The following ERCC6 variants were observed in gnomAD, a reference collection of about 807,000 sequenced individuals.
The protein encoded by ERCC6 is DNA excision repair protein ERCC-6.
A neutral mutation model predicts 158.7 loss-of-function variants in ERCC6; 116 were observed. That is an observed-to-expected ratio of 0.73 (90% confidence interval 0.63 to 0.85). The LOEUF (loss-of-function observed/expected upper bound fraction) is 0.85. Ranked by LOEUF, ERCC6 falls within the 40% of genes least tolerant of loss-of-function variation. ERCC6 has a pLI of 0.00. For synonymous variants in ERCC6, 678 were observed against 659.3 expected (o/e 1.03, Z -0.43); for missense variants, 1,698 against 1,799.4 (o/e 0.94, Z 1.02).
At position 49,524,677 on chromosome 10, in the gene ERCC6, C is replaced by G; in HGVS notation, c.753G>C (p.Gln251His). 3 of 1,613,268 alleles carry G rather than the reference C, an allele frequency of 1.9e-6. No homozygotes were observed. The highest frequency in any genetic ancestry group is 2.2e-5 in the East Asian group (1 of 44,872). ...RTGQMTPFGT[Q>H]IPQKQEKKPR... Reference sequence around the variant, plus strand: ...GCTTTTTCTCCTGTTTCTGAGGGATCTGGGTACCAAAAGGTGTCATCTGGC... The same window carrying G: ...GCTTTTTCTCCTGTTTCTGAGGGATGTGGGTACCAAAAGGTGTCATCTGGC... Residue 251 changes from glutamine (Q) to histidine (H), a missense_variant, in exon 5 of 21, where the codon CAG becomes CAC. By Grantham distance (24) the Gln-to-His change is conservative (BLOSUM62 0). Transcript: ENST00000355832.
chr10:49,450,323 A>G (rs10857496), downstream of ERCC6, among the ~76,000 whole-genome samples: 15,714 of 133,480 alleles, frequency 0.12, 1,180 homozygotes, highest in East Asian at 0.42. Flanking sequence ...AGATGTTTGC[A>G]TTTATTTCTG....
chr10:49,524,685 C>A lies in ERCC6; in HGVS notation c.745G>T (p.Gly249Cys), dbSNP rs747451736. The A allele has an allele frequency of 3.7e-6, 6 of 1,612,476 alleles. No homozygotes were observed. The highest frequency in any genetic ancestry group is 8.5e-7 in the Non-Finnish European group (1 of 1,180,012). ...TCCTGTTTCTGAGGGATCTGGGTAC[C>A]AAAAGGTGTCATCTGGCCAGTGCGG... ...LIRTGQMTPF[G>C]TQIPQKQEKK... is the part of the protein sequence containing the mutation. Residue 249 changes from glycine to cysteine, a missense_variant, in exon 5 of 21, where the codon GGT (glycine) becomes TGT (cysteine). Physicochemically the swap from Gly to Cys is radical, Grantham distance 159. Coordinates refer to ENST00000355832, the MANE Select transcript of ERCC6 (RefSeq NM_000124.4).
rs2132574990 is a variant in ERCC6, at chr10:49,500,549, A to G, written c.1674T>C (p.Gly558=). ...GLSYSKIRTR[G]SNYRFEGLGP... ...AGAGGAGCACTTGCCTGTAATTTGA[A>G]CCACGAGTCCTGATCTTGCTGTAGC... The change falls in exon 7 of 21, where the codon GGT becomes GGC. Residue 558 remains glycine (G), a synonymous_variant. Transcript: ENST00000355832. 1 of 1,613,892 alleles carries G rather than the reference A, an allele frequency of 6.2e-7. No individual in the cohort carries two copies. Among genetic ancestry groups the G allele is most frequent in the Non-Finnish European group, 8.5e-7 (1 of 1,179,862 alleles).
chr10:49,502,418 T>C (rs1851371201), intron 6 of ERCC6: 1 of 152,206 alleles, frequency 6.6e-6, no homozygotes, highest in Non-Finnish European at 1.5e-5. Context: ...TCCGAAAATA[T>C]GTGGTATGTA....
At chr10:49,438,353 T>G in the ERCC6 span, among the ~76,000 whole-genome samples, 2 of 152,148 alleles carry the variant, frequency 1.3e-5, no homozygotes, top group East Asian at 3.9e-4. Context: ...AAGGCACTTC[T>G]TACATGGCAG....
At position 49,470,622 on chromosome 10, in the gene ERCC6, G is replaced by T; in HGVS notation, c.3338C>A (p.Ala1113Glu). 3 of 1,613,516 alleles carry T rather than the reference G, an allele frequency of 1.9e-6. No individual in the cohort carries two copies. The highest frequency in any genetic ancestry group is 2.5e-6 in the Non-Finnish European group (3 of 1,179,616). ...SNDRLGEETN[A>E]VSGPEELSVI... is the part of the protein sequence containing the mutation. The stretch of plus-strand genomic sequence containing the variant: ...TGACAACTCTTCTGGTCCAGATACT[G>T]CATTTGTCTCTTCTCCAAGCCTATC... The change falls in exon 18 of 21, where the codon GCA becomes GAA. Residue 1113 changes from alanine (A) to glutamate (E), a missense_variant. Ala to Glu is a moderately radical substitution (Grantham distance 107). Transcript: ENST00000355832.
intron 8 of ERCC6, among the ~76,000 whole-genome samples, chr10:49,487,167 A>G (rs1416358635): frequency 6.6e-6 from 1 of 152,348 alleles, no homozygotes; most frequent in African/African-American, 2.4e-5. Flanking sequence ...AAGAAAGGCT[A>G]AGAAAATCTG....
In ERCC6 at chr10:49,473,563, G is replaced by C; in HGVS notation, c.2623C>G (p.Leu875Val). The C allele has an allele frequency of 6.2e-7, 1 of 1,610,462 alleles. No homozygotes were observed. The highest frequency in any genetic ancestry group is 8.5e-7 in the Non-Finnish European group (1 of 1,176,732). Residue 875 changes from leucine (L) to valine (V), a missense_variant, in exon 14 of 21, where the codon CTT (leucine) becomes GTT (valine). Physicochemically the swap from Leu to Val is conservative, Grantham distance 32. Transcript: ENST00000355832. The stretch of plus-strand genomic sequence containing the variant: ...AGATAGGTATACTTTTGGGCTCTAA[G>C]GAATACTTCAAGTATGTCCAGCATC... ...RQMLDILEVF[L>V]RAQKYTYLKM...
chr10:49,461,687 T>C lies in ERCC6; in HGVS notation c.3779-131A>G, dbSNP rs41549314. The C allele has an allele frequency of 0.083, 71,947 of 864,830 alleles. 3,560 individuals are homozygous for C. The highest frequency in any genetic ancestry group is 0.1 in the East Asian group (3,887 of 37,372). The allele number at this position is 864,830 out of a possible 1,614,324, so 53.6% of individuals were successfully genotyped here. ...AGTACACTTAGAAAACCCTAGAGAA[T>C]CAATGATAAAAAATAGTAAGATAAT... is the stretch of plus-strand genomic sequence containing the variant. On this transcript the variant is annotated intron_variant, in intron 18 of 20. Transcript: ENST00000355832.
In ERCC6 at chr10:49,474,036, C is replaced by A; in HGVS notation, c.2589G>T (p.Gln863His). The part of the protein sequence containing the change: ...KQGQRVLLFS[Q>H]SRQMLDILEV... ...AAGTCTGTGCACTCACCTGCCTTGA[C>A]TGAGAAAACAGCAATACTCGCTGAC... Residue 863 changes from glutamine to histidine, a missense_variant, in exon 13 of 21, where the codon CAG (glutamine) becomes CAT (histidine). Transcript: ENST00000355832. 6.2e-7 allele frequency: 1 copy of A among 1,613,968 alleles called. No homozygotes were observed. Among genetic ancestry groups the A allele is most frequent in the Non-Finnish European group, 8.5e-7 (1 of 1,179,996 alleles).
chr10:49,493,170 G>A lies in ERCC6; in HGVS notation c.1768C>T (p.Pro590Ser), dbSNP rs1336510061. The change falls in exon 8 of 21, where the codon CCT becomes TCT. Residue 590 changes from proline to serine, a missense_variant. Pro to Ser is a moderately conservative substitution (Grantham distance 74). Coordinates refer to ENST00000355832, the MANE Select transcript of ERCC6 (RefSeq NM_000124.4). ...QWVKEFHTWW[P>S]PFRVAILHET... is the part of the protein sequence containing the mutation. ...TGTAGAATTGCCACTCTGAACGGAG[G>A]CCACCACGTGTGAAATTCCTTCACC... 7.4e-6 allele frequency: 12 copies of A among 1,614,066 alleles called. No homozygotes were observed. Among genetic ancestry groups the A allele is most frequent in the Non-Finnish European group, 1.0e-5 (12 of 1,179,992 alleles).
chr10:49,483,920 T>C (rs1851030346), intron 8 of ERCC6, among the ~76,000 whole-genome samples: 1 of 151,972 alleles, frequency 6.6e-6, no homozygotes, highest in African/African-American at 2.4e-5. Flanking sequence ...ATCTAGGATC[T>C]CTAACAATGT....
At chr10:49,492,963 C>G (rs1851201092) in intron 8 of ERCC6, among the ~76,000 whole-genome samples, 154 bp downstream of exon 8, 1 of 151,894 alleles carries the variant, frequency 6.6e-6, no homozygotes, top group African/African-American at 2.4e-5. Context: ...AAACACAGAG[C>G]TCTAAAGTAA....
intron 5 of ERCC6, among the ~76,000 whole-genome samples, chr10:49,511,148 A>G (rs1221454299): frequency 6.6e-6 from 1 of 152,088 alleles, no homozygotes; most frequent in Non-Finnish European, 1.5e-5. Context: ...CTCTGTAAGG[A>G]GCCTGGTTTC....
At chr10:49,491,699 A>G (rs1028142250) in intron 8 of ERCC6, among the ~76,000 whole-genome samples, 1 of 152,250 alleles carries the variant, frequency 6.6e-6, no homozygotes, top group Non-Finnish European at 1.5e-5. Flanking sequence ...GAGGCAAGCC[A>G]TGATCCAGGT....
intron 1 of ERCC6, 50 bp from the exon 2 acceptor site, chr10:49,533,028 A>G: frequency 6.3e-7 from 1 of 1,579,688 alleles, no homozygotes; most frequent in Non-Finnish European, 8.6e-7. Context: ...GATTCATTGT[A>G]GTTCTTAAAT....
At chr10:49,525,801 C>T (rs1341582522) in intron 4 of ERCC6, among the ~76,000 whole-genome samples, 1 of 152,048 alleles carries the variant, frequency 6.6e-6, no homozygotes, top group Non-Finnish European at 1.5e-5. Context: ...ATGAGCCCTT[C>T]AGGCTACCTC....
chr10:49,519,262 G>T (rs1040694625), intron 5 of ERCC6, among the ~76,000 whole-genome samples: 1 of 152,172 alleles, frequency 6.6e-6, no homozygotes, highest in Non-Finnish European at 1.5e-5. Context: ...GGGCCCAGCC[G>T]ACTTCAAATC....
At position 49,524,707 on chromosome 10, in the gene ERCC6, G is replaced by A. The variant is rs148851684; in HGVS notation, c.723C>T (p.Arg241=). The A allele has an allele frequency of 1.9e-6, 3 of 1,609,618 alleles. No homozygotes were observed. The highest frequency in any genetic ancestry group is 2.7e-5 in the African/African-American group (2 of 74,912). ...TACCAAAAGGTGTCATCTGGCCAGT[G>A]CGGATGAGCTCTTCCCAGGCAGTCT... ...VQETAWEELI[R]TGQMTPFGTQ... Residue 241 remains arginine (R), a synonymous_variant, in exon 5 of 21, where the codon CGC becomes CGT. Coordinates refer to ENST00000355832, the MANE Select transcript of ERCC6 (RefSeq NM_000124.4).
Sources: gnomAD v4.1 joint callset for allele counts (sites outside exome capture counted in the v4.1 genomes callset) on GRCh38, gnomAD v4.1.1 for gene constraint, MANE v1.5 for transcripts, NCBI Gene and HGNC (gene_info 2026-07-23, HGNC 2026-07-21) for gene names.